Variants in DGKI observed in about 807,000 individuals in gnomAD.
DGKI encodes the protein diacylglycerol kinase iota, also known as DAG kinase iota.
DGKI carries 55 observed loss-of-function variants against 147.5 expected under a neutral mutation model. The ratio of observed to expected loss-of-function variants is 0.37; its 90% CI spans 0.30 to 0.47. The LOEUF is 0.47. DGKI is among the 20% of genes least tolerant of loss of function. The probability of loss-of-function intolerance (pLI) is 1.00; values close to 1 mark genes in which losing one functional copy is unlikely to be tolerated. For synonymous variants in DGKI, 469 were observed against 477.1 expected (o/e 0.98, Z 0.22); for missense variants, 1,007 against 1,323.8 (o/e 0.76, Z 3.71).
chr7:137,680,681 G>C (rs1484742351), intron 2 of DGKI, among the ~76,000 whole-genome samples: 1 of 152,088 alleles, frequency 6.6e-6, no homozygotes, highest in Non-Finnish European at 1.5e-5. Context: ...TCAGGAGCCT[G>C]AGGCAAGAGA....
At chr7:137,575,541 T>C (rs545153428) in intron 17 of DGKI, among the ~76,000 whole-genome samples, 3 of 152,332 alleles carry the variant, frequency 2.0e-5, no homozygotes. Context: ...TGGATGCGCC[T>C]GTAAATGCAA....
intron 32 of DGKI, among the ~76,000 whole-genome samples, chr7:137,392,605 A>T (rs2128892690): frequency 6.6e-6 from 1 of 152,322 alleles, no homozygotes; most frequent in Non-Finnish European, 1.5e-5. Context: ...TGGCTCTAGA[A>T]TCTTTCTAAA....
chr7:137,471,257 T>G (rs1490839969), intron 23 of DGKI, among the ~76,000 whole-genome samples: 1 of 152,102 alleles, frequency 6.6e-6, no homozygotes, highest in African/African-American at 2.4e-5. Context: ...TAATAGGGAT[T>G]TGAAATGTTC....
chr7:137,619,237 G>C (rs913932053), intron 8 of DGKI, among the ~76,000 whole-genome samples: 11 of 152,162 alleles, frequency 7.2e-5, no homozygotes, highest in African/African-American at 2.4e-4. Context: ...TGAATACTGA[G>C]GTGGATACTC....
At chr7:137,714,546 G>A (rs539109401) in intron 1 of DGKI, among the ~76,000 whole-genome samples, 1 of 152,176 alleles carries the variant, frequency 6.6e-6, no homozygotes, top group Admixed American at 6.6e-5. Context: ...AGGAAGCTAT[G>A]GATTGCCCAA....
intron 1 of DGKI, among the ~76,000 whole-genome samples, chr7:137,757,481 T>C (rs769851810): frequency 1.3e-5 from 2 of 152,200 alleles, no homozygotes; most frequent in African/African-American, 2.4e-5. Context: ...GTGATTTCCC[T>C]AGAAGTCATC....
intron 1 of DGKI, among the ~76,000 whole-genome samples, chr7:137,715,345 T>A (rs1056865252): frequency 1.3e-5 from 2 of 152,122 alleles, no homozygotes; most frequent in African/African-American, 4.8e-5. Context: ...CCTACAAAAT[T>A]AGAAGCTCTG....
At chr7:137,539,607 C>T (rs901657260) in intron 20 of DGKI, among the ~76,000 whole-genome samples, 2 of 151,668 alleles carry the variant, frequency 1.3e-5, no homozygotes, top group Non-Finnish European at 2.9e-5. Context: ...TAACCACAAC[C>T]CTTAGAAGAT....
At chr7:137,571,447 A>T (rs926511752) in intron 18 of DGKI, among the ~76,000 whole-genome samples, 161 bp from the exon 19 acceptor site, 1 of 152,244 alleles carries the variant, frequency 6.6e-6, no homozygotes, top group African/African-American at 2.4e-5. Flanking sequence ...ACTTCTTATC[A>T]TCTACAAAAT....
rs548098071 is a variant in DGKI, at chr7:137,510,623, T to G, written c.2248+11243A>C. Among the ~76,000 whole-genome samples the G allele has an allele frequency of 7.1e-4, 108 of 152,342 alleles. 2 individuals carry two copies. The South Asian group carries it at 0.021, about 29-fold the overall frequency. On this transcript the variant is annotated intron_variant, in intron 21 of 32. Coordinates refer to ENST00000614521, the MANE Select transcript of DGKI (RefSeq NM_001321708.2). ...CCTAAAACTTCAATACTTGAAATGATGATTAGATACACTGGTCCAAATCTC... is the reference window on the plus strand; with the variant it reads ...CCTAAAACTTCAATACTTGAAATGAGGATTAGATACACTGGTCCAAATCTC...
intron 19 of DGKI, among the ~76,000 whole-genome samples, chr7:137,566,219 C>G (rs374925159): frequency 6.6e-6 from 1 of 151,330 alleles, no homozygotes; most frequent in South Asian, 2.1e-4. Flanking sequence ...ACACATATAC[C>G]CAAATAACTA....
At chr7:137,512,611 A>C (rs2128948313) in intron 21 of DGKI, among the ~76,000 whole-genome samples, 1 of 152,292 alleles carries the variant, frequency 6.6e-6, no homozygotes, top group Admixed American at 6.5e-5. Context: ...TGAAAAGAGA[A>C]AATATTATTT....
At chr7:137,512,830 T>C (rs982897000) in intron 21 of DGKI, among the ~76,000 whole-genome samples, 1 of 152,118 alleles carries the variant, frequency 6.6e-6, no homozygotes, top group Non-Finnish European at 1.5e-5. Flanking sequence ...ATAAACAGAA[T>C]TAGATGGCAA....
chr7:137,766,546 C>T (rs1029224801), intron 1 of DGKI, among the ~76,000 whole-genome samples: 4 of 152,100 alleles, frequency 2.6e-5, no homozygotes, highest in South Asian at 4.1e-4. Flanking sequence ...CCAATTTGCA[C>T]GGAGCCCCTC....
At chr7:137,837,997 CTTTTTTTTTTTTT>C (rs777963342) in intron 1 of DGKI, among the ~76,000 whole-genome samples, 1 of 109,834 alleles carries the variant, frequency 9.1e-6, no homozygotes, top group Non-Finnish European at 1.8e-5. Context: ...AAGGGAGAAA[CTTTTTTTTTTTTT>C]TTTTTTTTTT....
chr7:137,733,308 T>G (rs1794935825), intron 1 of DGKI, among the ~76,000 whole-genome samples: 1 of 152,086 alleles, frequency 6.6e-6, no homozygotes, highest in African/African-American at 2.4e-5. Flanking sequence ...ATTTGATGAC[T>G]GTTAAGTACC....
intron 15 of DGKI, among the ~76,000 whole-genome samples, chr7:137,578,738 G>A (rs894948140): frequency 7.9e-5 from 12 of 152,266 alleles, no homozygotes; most frequent in African/African-American, 2.4e-4. Flanking sequence ...GGGATATCGG[G>A]CTGAGATAAC....
At chr7:137,447,036 A>G (rs1005372720) in intron 27 of DGKI, among the ~76,000 whole-genome samples, 7 of 152,126 alleles carry the variant, frequency 4.6e-5, no homozygotes, top group African/African-American at 1.7e-4. Context: ...TGTCCTCTTC[A>G]CTTCTTTCCT....
chr7:137,809,706 C>A (rs903639329), intron 1 of DGKI, among the ~76,000 whole-genome samples: 13 of 152,196 alleles, frequency 8.5e-5, no homozygotes, highest in African/African-American at 3.1e-4. Context: ...CAGTTCAAGA[C>A]CAGCCTGGGC....
Sources: gnomAD v4.1 joint callset for allele counts (sites outside exome capture counted in the v4.1 genomes callset) on GRCh38, gnomAD v4.1.1 for gene constraint, MANE v1.5 for transcripts, NCBI Gene and HGNC (gene_info 2026-07-23, HGNC 2026-07-21) for gene names.